MFNG: variants seen among roughly 807,000 people sequenced by gnomAD.
MFNG encodes MFNG O-fucosylpeptide 3-beta-N-acetylglucosaminyltransferase.
In MFNG, 24 loss-of-function variants were observed where a neutral mutation model predicts 34.2. The observed-to-expected ratio is 0.70, with a 90% confidence interval of 0.51 to 0.99. MFNG has a LOEUF of 0.99. MFNG is among the 50% of genes least tolerant of loss of function. MFNG has a pLI of 0.00. For missense variants in MFNG, 383 were observed against 424.0 expected (o/e 0.90, Z 0.85); for synonymous variants, 158 against 179.2 (o/e 0.88, Z 0.94).
intron 2 of MFNG, among the ~76,000 whole-genome samples, 188 bp from the exon 3 acceptor site, chr22:37,480,487 G>C (rs1922245409): frequency 6.6e-6 from 1 of 152,212 alleles, no homozygotes; most frequent in Non-Finnish European, 1.5e-5. Flanking sequence ...GTGGACAGCA[G>C]GCTGGGCTGG....
intron 2 of MFNG, 43 bp from the exon 3 acceptor site, chr22:37,480,342 C>T: frequency 2.1e-6 from 3 of 1,458,722 alleles, no homozygotes; most frequent in Non-Finnish European, 2.9e-6. Context: ...CCCAGGTCCC[C>T]CCTTCAGAGC....
chr22:37,472,665 T>TCCCACCACCAGC, intron 6 of MFNG, 137 bp from the exon 7 acceptor site: 2 of 780,348 alleles, frequency 2.6e-6, no homozygotes, highest in South Asian at 1.8e-5. Flanking sequence ...CCGCTGGTGG[T>TCCCACCACCAGC]GGGAGCCCAC....
Position 37,485,948 on chromosome 22 carries a change from G to A in MFNG, c.230C>T (p.Thr77Met), listed in dbSNP as rs781381548. ...CTGTTCCCTGGTCCTGGAAACCCAC[G>A]TGTCAAGCAGCAGCTCCAGGCGCAA... is the stretch of plus-strand genomic sequence containing the variant. ...HRLRLELLLDTWVSRTREQTF... is the reference protein window; with the variant it reads ...HRLRLELLLDMWVSRTREQTF... Residue 77 changes from threonine (T) to methionine (M), a missense_variant, in exon 1 of 8, where the codon ACG becomes ATG. Physicochemically the swap from Thr to Met is moderately conservative, Grantham distance 81. Coordinates refer to ENST00000356998, the MANE Select transcript of MFNG (RefSeq NM_002405.4). This position sits in a 1 kb window ranked among gnomAD's most constrained non-coding sequence, Gnocchi z 5.3. 12 of 1,613,534 alleles carry A rather than the reference G, an allele frequency of 7.4e-6. No individual in the cohort carries two copies. The South Asian group carries it at 7.7e-5, about 10-fold the overall frequency.
intron 6 of MFNG, 117 bp downstream of exon 6, chr22:37,474,395 A>G (rs1388687980): frequency 8.0e-7 from 1 of 1,250,064 alleles, no homozygotes; most frequent in East Asian, 2.5e-5. Flanking sequence ...GGGAATACCC[A>G]AGACCCATAA....
At chr22:37,474,386 G>A (rs375781368) in intron 6 of MFNG, 126 bp downstream of exon 6, 11 of 1,142,818 alleles carry the variant, frequency 9.6e-6, no homozygotes, top group East Asian at 5.2e-5. Flanking sequence ...CCATCAATAG[G>A]GAATACCCAA....
intron 5 of MFNG, among the ~76,000 whole-genome samples, chr22:37,475,445 A>G (rs1921994591): frequency 6.6e-6 from 1 of 151,978 alleles, no homozygotes. Context: ...GCTGGTCTTG[A>G]ACTCCTAACC....
rs772991348 is a variant in MFNG, at chr22:37,480,777, G to T, written c.256-8C>A. The T allele has an allele frequency of 3.1e-6, 5 of 1,612,936 alleles. No individual in the cohort carries two copies. The highest frequency in any genetic ancestry group is 4.2e-6 in the Non-Finnish European group (5 of 1,179,558). On this transcript the variant is annotated splice_polypyrimidine_tract_variant and splice_region_variant and intron_variant, in intron 1 of 7. Coordinates refer to ENST00000356998, the MANE Select transcript of MFNG (RefSeq NM_002405.4). ...GTCGGTGAAGACAAATGTCTAGGAA[G>T]GAGAAGAAGGGGTCAGGACTCACAT... is the stretch of plus-strand genomic sequence containing the variant.
chr22:37,485,512 G>C lies in MFNG; in HGVS notation c.255+411C>G, dbSNP rs898316732. Among the ~76,000 whole-genome samples, 2 of 152,200 alleles carry C rather than the reference G, an allele frequency of 1.3e-5. No individual in the cohort carries two copies. The highest frequency in any genetic ancestry group is 2.9e-5 in the Non-Finnish European group (2 of 68,024). On this transcript the variant is annotated intron_variant, in intron 1 of 7. Transcript: ENST00000356998. The surrounding 1 kb of genome is among the most constrained non-coding windows in gnomAD (Gnocchi z 5.3). ...GACAGCCTGGCCTGGGCACGGGTCT[G>C]GGTCAGGACCTCTTGGAGGCCTCCA...
At position 37,472,444 on chromosome 22, in the gene MFNG, TG is replaced by T; in HGVS notation, c.897del (p.Arg300AspfsTer25). On this transcript the variant is annotated frameshift_variant and splice_region_variant, in exon 7 of 8. Transcript: ENST00000356998. LOFTEE classifies it high-confidence loss of function. ...QGPFSPEEDP[S>X]RFRSLHCLLY... ...CAAGGTTCCAGCCCCCAGACCCACC[TG>T]GAGGGGTCCTCCTCCGGGGAGAAGG... 1.3e-6 allele frequency: 2 copies of T among 1,579,684 alleles called. No homozygotes were observed. Among genetic ancestry groups the T allele is most frequent in the Admixed American group, 1.9e-5 (1 of 52,472 alleles).
chr22:37,470,523 G>A (rs538454335), intron 7 of MFNG, among the ~76,000 whole-genome samples: 4 of 152,216 alleles, frequency 2.6e-5, no homozygotes, highest in African/African-American at 2.4e-5. Context: ...GTATAGCTAC[G>A]GCTTACACAC....
Position 37,486,040 on chromosome 22 carries a change from C to A in MFNG, c.138G>T (p.Pro46=). 6.2e-7 allele frequency: 1 copy of A among 1,614,006 alleles called. No individual in the cohort carries two copies. The highest frequency in any genetic ancestry group is 8.5e-7 in the Non-Finnish European group (1 of 1,179,962). ...CGTGTAGCTGTAGCTTAGGGGGCCC[C>A]GGGTTCGGCTGGCTCAGCTCGGGGG... ...QGTPELSQPN[P]GPPKLQLHDV... Residue 46 remains proline, a synonymous_variant, in exon 1 of 8, where the codon CCG becomes CCT. Transcript: ENST00000356998.
chr22:37,470,029 T>C lies in MFNG; in HGVS notation c.900A>G (p.Arg300=), dbSNP rs1921737571. Residue 300 remains arginine, a splice_region_variant and synonymous_variant, in exon 8 of 8, where the codon AGA becomes AGG. Coordinates refer to ENST00000356998, the MANE Select transcript of MFNG (RefSeq NM_002405.4). ...GPFSPEEDPS[R]FRSLHCLLYP... ...AGAGCAGACAATGGAGGGAGCGAAATCTGCAGAGAGACCAGAAAAGGACAG... is the reference window on the plus strand; with the variant it reads ...AGAGCAGACAATGGAGGGAGCGAAACCTGCAGAGAGACCAGAAAAGGACAG... 6.2e-7 allele frequency: 1 copy of C among 1,603,102 alleles called. No individual in the cohort carries two copies. The highest frequency in any genetic ancestry group is 8.5e-7 in the Non-Finnish European group (1 of 1,173,998).
At position 37,485,751 on chromosome 22, in the gene MFNG, G is replaced by A. The variant is rs1449913364; in HGVS notation, c.255+172C>T. On this transcript the variant is annotated intron_variant, in intron 1 of 7. Transcript: ENST00000356998. This position sits in a 1 kb window ranked among gnomAD's most constrained non-coding sequence, Gnocchi z 5.3. Reference sequence around the variant, plus strand: ...ACCAGTACAGGGCACGGGCAGGGCCGCAGGCAGCCCCTAAAGCCCGGAAGA... The same window carrying A: ...ACCAGTACAGGGCACGGGCAGGGCCACAGGCAGCCCCTAAAGCCCGGAAGA... 4.6e-5 allele frequency among the ~76,000 whole-genome samples: 7 copies of A among 152,208 alleles called. No homozygotes were observed. Among genetic ancestry groups the A allele is most frequent in the South Asian group, 4.1e-4 (2 of 4,836 alleles).
In MFNG at chr22:37,483,878, G is replaced by A. The variant is rs1161957179; in HGVS notation, c.255+2045C>T. Among the ~76,000 whole-genome samples the A allele has an allele frequency of 3.9e-5, 6 of 152,246 alleles. No homozygotes were observed. Among genetic ancestry groups the A allele is most frequent in the Non-Finnish European group, 4.4e-5 (3 of 68,044 alleles). On this transcript the variant is annotated intron_variant, in intron 1 of 7. Coordinates refer to ENST00000356998, the MANE Select transcript of MFNG (RefSeq NM_002405.4). The surrounding 1 kb of genome is among the most constrained non-coding windows in gnomAD (Gnocchi z 4.5). ...GCGGGGGCACAGGAGAGGGCAGTGA[G>A]GCTGGCGCTTTCAGTCCCTGGGAAT...
At chr22:37,484,355 G>A (rs1379540300) in intron 1 of MFNG, 1 of 152,518 alleles carries the variant, frequency 6.6e-6, no homozygotes, top group Non-Finnish European at 1.5e-5. Context: ...GCCGAAAGGG[G>A]AGGGCCTTGG....
chr22:37,475,708 G>A (rs867092000), intron 5 of MFNG, among the ~76,000 whole-genome samples: 19 of 152,104 alleles, frequency 1.2e-4, no homozygotes, highest in Non-Finnish European at 2.8e-4. Flanking sequence ...TCCCCAGCCT[G>A]CACTCCCCTC....
chr22:37,469,384 T>C lies in MFNG; in HGVS notation c.*579A>G, dbSNP rs1192697860. ...ATGCTCCATCATCTGGGCCCCGGCA[T>C]GCTGAGGCTCCAAACAAAATCTGGT... On this transcript the variant is annotated 3_prime_UTR_variant, in exon 8 of 8. Coordinates refer to ENST00000356998, the MANE Select transcript of MFNG (RefSeq NM_002405.4). 1 of 192,062 alleles carries C rather than the reference T, an allele frequency of 5.2e-6. No individual in the cohort carries two copies. Among genetic ancestry groups the C allele is most frequent in the Non-Finnish European group, 1.1e-5 (1 of 91,330 alleles). 11.9% of individuals were successfully genotyped at this position (192,062 alleles called of 1,614,324 possible). A position where few individuals can be genotyped will look rare whatever the true frequency, so the allele number is the denominator to read the frequency against.
At chr22:37,474,053 G>A (rs145634781) in intron 6 of MFNG, among the ~76,000 whole-genome samples, 1 of 152,170 alleles carries the variant, frequency 6.6e-6, no homozygotes, top group Non-Finnish European at 1.5e-5. Context: ...GTAACCTCAG[G>A]GTTGGCAGGA....
chr22:37,469,173 G>A lies in MFNG; in HGVS notation c.*790C>T, dbSNP rs564331222. On this transcript the variant is annotated 3_prime_UTR_variant, in exon 8 of 8. Transcript: ENST00000356998. ...TCATGGTAGCAAGGTGGCTGCCCCA[G>A]ATCCAGCCATCACACCCACATTTAT... 1 of 153,182 alleles carries A rather than the reference G, an allele frequency of 6.5e-6. No individual in the cohort carries two copies. Among genetic ancestry groups the A allele is most frequent in the East Asian group, 1.9e-4 (1 of 5,194 alleles). 9.5% of individuals were successfully genotyped at this position (153,182 alleles called of 1,614,324 possible). A position where few individuals can be genotyped will look rare whatever the true frequency, so the allele number is the denominator to read the frequency against.
Sources: gnomAD v4.1 joint callset for allele counts (sites outside exome capture counted in the v4.1 genomes callset) on GRCh38, gnomAD v4.1.1 for gene constraint, Gnocchi (gnomAD v3.1) non-coding constraint, MANE v1.5 for transcripts, NCBI Gene and HGNC (gene_info 2026-07-23, HGNC 2026-07-21) for gene names.